FMN1: variants seen among roughly 807,000 people sequenced by gnomAD.
FMN1 encodes the protein formin 1.
Under a neutral mutation model 132.4 loss-of-function variants are expected in FMN1, and 110 were observed. The observed-to-expected ratio is 0.83, with a 90% CI of 0.71 to 0.97. FMN1 has a LOEUF of 0.97. Ranked by LOEUF, FMN1 falls within the 50% of genes least tolerant of loss-of-function variation. The pLI, the probability that FMN1 is intolerant of heterozygous loss-of-function variation, is 0.00. For synonymous variants in FMN1, 722 were observed against 651.7 expected (o/e 1.11, Z -1.64); for missense variants, 1,792 against 1,705.3 (o/e 1.05, Z -0.90).
chr15:32,839,609 G>A (rs2058701720), intron 17 of FMN1, among the ~76,000 whole-genome samples: 2 of 152,006 alleles, frequency 1.3e-5, no homozygotes, highest in South Asian at 2.1e-4. Flanking sequence ...CAGAAGCTTG[G>A]CTTCTTGAGA....
At chr15:32,908,332 A>G in intron 12 of FMN1, 158 bp downstream of exon 12, 1 of 571,184 alleles carries the variant, frequency 1.8e-6, no homozygotes, top group Non-Finnish European at 3.1e-6. Flanking sequence ...TTTTCCCGGC[A>G]GCAGGGTCAT....
intron 17 of FMN1, among the ~76,000 whole-genome samples, chr15:32,822,664 A>T (rs902506818): frequency 6.6e-6 from 1 of 152,138 alleles, no homozygotes; most frequent in Non-Finnish European, 1.5e-5. Context: ...TGGCTCTTTC[A>T]ATAAGAGATG....
chr15:32,914,541 CT>C (rs1283954885), intron 10 of FMN1, among the ~76,000 whole-genome samples: 3 of 152,282 alleles, frequency 2.0e-5, no homozygotes, highest in African/African-American at 7.2e-5. Context: ...CTGTAATACA[CT>C]TGTTATACAG....
At chr15:33,041,487 A>G (rs1462039892) in intron 6 of FMN1, among the ~76,000 whole-genome samples, 3 of 149,210 alleles carry the variant, frequency 2.0e-5, no homozygotes, top group Non-Finnish European at 3.0e-5. Flanking sequence ...AAAAAAAAAG[A>G]CTGGAAAAAA....
intron 6 of FMN1, among the ~76,000 whole-genome samples, chr15:33,010,082 CTA>C (rs2034628372): frequency 6.6e-6 from 1 of 152,142 alleles, no homozygotes; most frequent in African/African-American, 2.4e-5. Context: ...CAGGGTTTTA[CTA>C]TGTTGGCCAG....
At chr15:33,025,762 G>T (rs1208873145) in intron 6 of FMN1, among the ~76,000 whole-genome samples, 1 of 152,036 alleles carries the variant, frequency 6.6e-6, no homozygotes, top group African/African-American at 2.4e-5. Flanking sequence ...ACACAGATAA[G>T]GCTCCACATC....
intron 5 of FMN1, chr15:33,066,765 T>A: frequency 1.4e-5 from 23 of 1,613,962 alleles, no homozygotes; most frequent in Non-Finnish European, 1.9e-5. Flanking sequence ...TGGTCAGCAT[T>A]GCAGCCCATC....
At chr15:33,187,394 C>T (rs895061434) in intron 2 of FMN1, among the ~76,000 whole-genome samples, 1 of 152,074 alleles carries the variant, frequency 6.6e-6, no homozygotes, top group African/African-American at 2.4e-5. Context: ...CTGAAGAACC[C>T]TGAAAAAAGA....
At chr15:32,879,335 C>G (rs927539653) in intron 16 of FMN1, among the ~76,000 whole-genome samples, 2 of 152,118 alleles carry the variant, frequency 1.3e-5, no homozygotes, top group African/African-American at 4.8e-5. Flanking sequence ...AGTCTCGTAC[C>G]AGAGCTCAGA....
chr15:33,143,828 C>G (rs1964103496), intron 4 of FMN1, among the ~76,000 whole-genome samples: 2 of 152,078 alleles, frequency 1.3e-5, no homozygotes, highest in Admixed American at 1.3e-4. Context: ...AGCATGCATC[C>G]AAAGTAAAAG....
intron 4 of FMN1, among the ~76,000 whole-genome samples, chr15:33,096,060 T>TA (rs1271404400): frequency 2.4e-4 from 36 of 151,626 alleles, no homozygotes; most frequent in African/African-American, 7.3e-4. Context: ...ACAATACAAT[T>TA]AAGAGACTGA....
rs531287008 is a variant in FMN1, at chr15:32,883,741, T to C, written c.3835+4431A>G. Among the ~76,000 whole-genome samples, 8 of 152,194 alleles carry C rather than the reference T, an allele frequency of 5.3e-5. No individual in the cohort carries two copies. The South Asian group carries it at 1.5e-3, about 28-fold the overall frequency. ...ACACAACTTATGCTCTGTAAAAATA[T>C]TACTAAGTAGACAATGAAAGGGAAA... is the stretch of plus-strand genomic sequence containing the variant. On this transcript the variant is annotated intron_variant, in intron 16 of 20. Coordinates refer to ENST00000616417, the MANE Select transcript of FMN1 (RefSeq NM_001277313.2).
chr15:33,128,382 A>G (rs369576020), intron 4 of FMN1, among the ~76,000 whole-genome samples: 1 of 152,102 alleles, frequency 6.6e-6, no homozygotes, highest in Non-Finnish European at 1.5e-5. Context: ...CCTCTCTCCG[A>G]ACTCCAACTG....
chr15:33,088,203 T>C (rs558571231), intron 5 of FMN1, among the ~76,000 whole-genome samples: 2 of 152,076 alleles, frequency 1.3e-5, no homozygotes, highest in East Asian at 1.9e-4. Context: ...CAAAAACCTA[T>C]TGAAATTAAA....
At chr15:32,776,992 A>G in intron 19 of FMN1, 73 bp from the exon 20 acceptor site, 1 of 900,042 alleles carries the variant, frequency 1.1e-6, no homozygotes, top group Non-Finnish European at 1.7e-6. Context: ...AGAAGAAAAG[A>G]GTTAAGGCAG....
At chr15:32,975,380 T>A (rs1053266704) in intron 7 of FMN1, among the ~76,000 whole-genome samples, 1 of 152,218 alleles carries the variant, frequency 6.6e-6, no homozygotes, top group Non-Finnish European at 1.5e-5. Flanking sequence ...GTGTTAAATA[T>A]TAAGACTTCT....
chr15:33,050,906 T>C (rs2036937145), intron 6 of FMN1, among the ~76,000 whole-genome samples: 2 of 152,262 alleles, frequency 1.3e-5, no homozygotes, highest in Admixed American at 6.5e-5. Flanking sequence ...GTGCCCTGTA[T>C]GCACTGACAT....
chr15:33,115,777 T>A (rs2039900296), intron 4 of FMN1, among the ~76,000 whole-genome samples: 1 of 152,216 alleles, frequency 6.6e-6, no homozygotes, highest in Non-Finnish European at 1.5e-5. Context: ...AGACTTTCAG[T>A]TACCACTTAG....
At chr15:32,820,640 G>T (rs1485589110) in intron 17 of FMN1, among the ~76,000 whole-genome samples, 2 of 152,142 alleles carry the variant, frequency 1.3e-5, no homozygotes, top group African/African-American at 4.8e-5. Context: ...ACATAGAGAA[G>T]TAGATTTGTT....
Sources: allele counts gnomAD v4.1 joint callset (sites outside exome capture counted in the v4.1 genomes callset), GRCh38; gene constraint gnomAD v4.1.1; transcripts MANE v1.5; gene names NCBI Gene and HGNC (gene_info 2026-07-23, HGNC 2026-07-21).